Variants in PDPR observed in about 807,000 individuals in gnomAD.
PDPR encodes the protein pyruvate dehydrogenase phosphatase regulatory subunit, mitochondrial.
A neutral mutation model predicts 102.2 loss-of-function variants in PDPR; 50 were observed. The ratio of observed to expected loss-of-function variants is 0.49; its 90% confidence interval spans 0.39 to 0.62. PDPR has a LOEUF of 0.62. Ranked by LOEUF, PDPR falls within the 20% of genes least tolerant of loss-of-function variation. The probability of loss-of-function intolerance (pLI) is 0.00; values close to 1 mark genes in which losing one functional copy is unlikely to be tolerated. For missense variants in PDPR, 625 were observed against 1,098.2 expected (o/e 0.57, Z 6.09); for synonymous variants, 259 against 406.0 (o/e 0.64, Z 4.35).
chr16:70,140,939 A>C (rs1291037903), intron 11 of PDPR, among the ~76,000 whole-genome samples: 17 of 152,282 alleles, frequency 1.1e-4, no homozygotes, highest in African/African-American at 3.6e-4. Flanking sequence ...CCTGTCTCCC[A>C]ACCTCCCCAA....
rs1967613803 is a variant in PDPR at position 70,159,830 on chromosome 16, A to C, written c.*2951A>C. ...GGCTGCAAATCCAGCAGGAATAAGG[A>C]GGGACAACCACAGCCTCCTCATCCA... On this transcript the variant is annotated 3_prime_UTR_variant, in exon 19 of 19. Coordinates refer to ENST00000288050, the MANE Select transcript of PDPR (RefSeq NM_017990.5). 1 of 153,016 alleles carries C rather than the reference A, an allele frequency of 6.5e-6. No individual in the cohort carries two copies. Among genetic ancestry groups the C allele is most frequent in the Admixed American group, 6.5e-5 (1 of 15,296 alleles). 9.5% of individuals were successfully genotyped at this position (153,016 alleles called of 1,614,324 possible). A position where few individuals can be genotyped will look rare whatever the true frequency, so the allele number is the denominator to read the frequency against.
chr16:70,148,581 C>CCTTCA (rs757209414), intron 17 of PDPR, 28 bp downstream of exon 17: 3 of 1,506,074 alleles, frequency 2.0e-6, no homozygotes, highest in South Asian at 2.3e-5. Flanking sequence ...CCTTCCCTTC[C>CCTTCA]CTTCACTTCC....
chr16:70,131,531 T>A (rs934636690), intron 8 of PDPR, 112 bp downstream of exon 8: 10 of 1,206,852 alleles, frequency 8.3e-6, no homozygotes, highest in Non-Finnish European at 1.1e-5. Context: ...CTTTCATTTC[T>A]AGAGCATGTT....
At chr16:70,150,079 G>A (rs1049165804) in intron 17 of PDPR, among the ~76,000 whole-genome samples, 35 of 149,414 alleles carry the variant, frequency 2.3e-4, no homozygotes, top group East Asian at 8.0e-4. Flanking sequence ...GTGAGCCACC[G>A]CACCCGGCCG....
intron 16 of PDPR, among the ~76,000 whole-genome samples, chr16:70,147,286 G>A (rs2152112070): frequency 6.7e-6 from 1 of 149,044 alleles, no homozygotes; most frequent in African/African-American, 2.5e-5. Flanking sequence ...ATAAGCATTA[G>A]GATATCTTTG....
At chr16:70,123,792 C>G (rs1448431277) in intron 3 of PDPR, among the ~76,000 whole-genome samples, 1 of 152,284 alleles carries the variant, frequency 6.6e-6, no homozygotes, top group Non-Finnish European at 1.5e-5. Context: ...ATCGCTCACA[C>G]CTGTAATCCC....
At chr16:70,153,321 C>T (rs190325466) in intron 17 of PDPR, 70 bp from the exon 18 acceptor site, 56 of 1,467,410 alleles carry the variant, frequency 3.8e-5, no homozygotes, top group Admixed American at 8.6e-5. Flanking sequence ...GAGCCATCAG[C>T]GCTTCCAGAC....
intron 3 of PDPR, among the ~76,000 whole-genome samples, chr16:70,121,577 A>G (rs961298001): frequency 1.3e-5 from 2 of 152,236 alleles, no homozygotes; most frequent in African/African-American, 4.8e-5. Flanking sequence ...CTGTAATCCC[A>G]GCTACTCAGC....
chr16:70,123,692 G>A (rs573802804), intron 3 of PDPR, among the ~76,000 whole-genome samples: 2 of 152,370 alleles, frequency 1.3e-5, no homozygotes, highest in South Asian at 4.1e-4. Flanking sequence ...GGTTTAATTT[G>A]TTGCTTCAAG....
At chr16:70,155,141 G>A (rs1349708398) in intron 18 of PDPR, among the ~76,000 whole-genome samples, 6 of 151,950 alleles carry the variant, frequency 3.9e-5, no homozygotes, top group East Asian at 2.0e-4. Flanking sequence ...GCAGTGAGCC[G>A]AGATCATACC....
intron 17 of PDPR, among the ~76,000 whole-genome samples, chr16:70,150,890 C>A (rs1285876220): frequency 6.6e-6 from 1 of 152,244 alleles, no homozygotes; most frequent in Non-Finnish European, 1.5e-5. Flanking sequence ...AGCAGTCATC[C>A]CACTTCAGCT....
At chr16:70,123,770 C>T (rs1232792784) in intron 3 of PDPR, among the ~76,000 whole-genome samples, 1 of 152,214 alleles carries the variant, frequency 6.6e-6, no homozygotes, top group Non-Finnish European at 1.5e-5. Context: ...ATAATTACGC[C>T]AGCCAGGCAC....
At position 70,138,207 on chromosome 16, in the gene PDPR, A is replaced by ATTTT. The variant is rs1201065640; in HGVS notation, c.1191-667_1191-664dup. Among the ~76,000 whole-genome samples the ATTTT allele has an allele frequency of 1.3e-3, 125 of 94,034 alleles. 2 individuals carry two copies. The highest frequency in any genetic ancestry group is 3.9e-3 in the East Asian group (11 of 2,826). The allele number at this position is 94,034 out of a possible 152,430, so 61.7% of individuals were successfully genotyped here. On this transcript the variant is annotated intron_variant, in intron 10 of 18. Transcript: ENST00000288050. The stretch of plus-strand genomic sequence containing the variant: ...CAGGCATGTGCCACCACGCCGGCTA[A>ATTTT]TTTTTTTTTTTTTTTTTTTTTTTTT...
At chr16:70,133,205 C>T (rs112161018) in intron 9 of PDPR, among the ~76,000 whole-genome samples, 11,038 of 145,064 alleles carry the variant, frequency 0.076, no homozygotes, top group Non-Finnish European at 0.11. Flanking sequence ...ACCTCTGCCT[C>T]CCCGGTTCAA....
At chr16:70,130,922 G>A (rs1964477109) in intron 7 of PDPR, among the ~76,000 whole-genome samples, 1 of 152,290 alleles carries the variant, frequency 6.6e-6, no homozygotes, top group Admixed American at 6.5e-5. Context: ...TTTTAAAGCA[G>A]ATTGGCTCTT....
At chr16:70,122,513 G>T (rs183984668) in intron 3 of PDPR, among the ~76,000 whole-genome samples, 9 of 152,408 alleles carry the variant, frequency 5.9e-5, no homozygotes, top group African/African-American at 2.2e-4. Context: ...TGGCTGTCCT[G>T]TCTCACTTCT....
intron 2 of PDPR, 195 bp from the exon 3 acceptor site, chr16:70,120,266 G>A (rs1963099849): frequency 6.3e-6 from 3 of 477,754 alleles, no homozygotes; most frequent in Middle Eastern, 6.2e-4. Flanking sequence ...TAGCCAGGAT[G>A]GTCTCGATCT....
At position 70,129,367 on chromosome 16, in the gene PDPR, A is replaced by G. The variant is rs200741533; in HGVS notation, c.607+245A>G. Among the ~76,000 whole-genome samples, 358 of 152,234 alleles carry G rather than the reference A, an allele frequency of 2.4e-3. No homozygotes were observed. In the East Asian group the frequency reaches 0.061, roughly 26 times the overall value. On this transcript the variant is annotated intron_variant, in intron 6 of 18. Transcript: ENST00000288050. ...TAATTAATGCCCCTTTTTTGGAGAC[A>G]GAGCTTCACTCTTTTCGCCCAGGCT...
chr16:70,152,838 C>T (rs1966839057), intron 17 of PDPR, among the ~76,000 whole-genome samples: 1 of 152,296 alleles, frequency 6.6e-6, no homozygotes, highest in Non-Finnish European at 1.5e-5. Context: ...AAAAGAGCAG[C>T]TTGAGAGCCT....
Sources: gnomAD v4.1 joint callset for allele counts (sites outside exome capture counted in the v4.1 genomes callset) on GRCh38, gnomAD v4.1.1 for gene constraint, MANE v1.5 for transcripts, NCBI Gene and HGNC (gene_info 2026-07-23, HGNC 2026-07-21) for gene names.